Variants in PODXL observed in about 807,000 individuals in gnomAD.
The protein encoded by PODXL is podocalyxin.
A neutral mutation model predicts 48.9 loss-of-function variants in PODXL; 20 were observed. That is an observed-to-expected ratio of 0.41 (90% CI 0.29 to 0.59). The LOEUF (loss-of-function observed/expected upper bound fraction) is 0.59. Ranked by LOEUF, PODXL falls within the 20% of genes least tolerant of loss-of-function variation. PODXL has a pLI of 0.31. For missense variants in PODXL, 606 were observed against 675.1 expected, an observed-to-expected ratio of 0.90 and a Z score of 1.13; for synonymous variants, 295 against 287.4, an observed-to-expected ratio of 1.03 and a Z score of -0.27.
intron 1 of PODXL, among the ~76,000 whole-genome samples, chr7:131,518,247 CCT>C (rs986896785): frequency 2.6e-5 from 4 of 152,168 alleles, no homozygotes; most frequent in Non-Finnish European, 5.9e-5. Context: ...TCTCCTATAT[CCT>C]CGTGAAAATA....
chr7:131,527,881 T>C (rs1418321833), intron 1 of PODXL, among the ~76,000 whole-genome samples: 2 of 151,586 alleles, frequency 1.3e-5, no homozygotes, highest in Non-Finnish European at 2.9e-5. Context: ...GGATTTGGCC[T>C]TCACTGGATA....
intron 1 of PODXL, among the ~76,000 whole-genome samples, chr7:131,517,367 C>G (rs1798015874): frequency 6.6e-6 from 1 of 152,172 alleles, no homozygotes; most frequent in Non-Finnish European, 1.5e-5. Context: ...AATGGACGGG[C>G]AACTCACTGA....
chr7:131,512,676 C>T (rs1161200520), intron 1 of PODXL, among the ~76,000 whole-genome samples: 1 of 152,062 alleles, frequency 6.6e-6, no homozygotes, highest in Non-Finnish European at 1.5e-5. Context: ...GAATAAAAGG[C>T]CCTCTTAAAA....
At chr7:131,532,455 A>AAT (rs1554386909) in intron 1 of PODXL, among the ~76,000 whole-genome samples, 4,294 of 149,376 alleles carry the variant, frequency 0.029, 113 homozygotes, top group Middle Eastern at 0.12. Context: ...AAAAAAATTA[A>AAT]AAATAAATAA....
At chr7:131,544,882 A>G in intron 1 of PODXL, among the ~76,000 whole-genome samples, 1 of 152,124 alleles carries the variant, frequency 6.6e-6, no homozygotes, top group Non-Finnish European at 1.5e-5. Flanking sequence ...GGTGGATGAG[A>G]CCCATGCACT....
chr7:131,523,395 C>T (rs1798119825), intron 1 of PODXL, among the ~76,000 whole-genome samples: 1 of 151,932 alleles, frequency 6.6e-6, no homozygotes, highest in Non-Finnish European at 1.5e-5. Flanking sequence ...TAAGAAAAAC[C>T]ATATGAGCCG....
intron 5 of PODXL, among the ~76,000 whole-genome samples, chr7:131,507,187 G>A (rs1797823149): frequency 6.6e-6 from 1 of 152,168 alleles, no homozygotes; most frequent in African/African-American, 2.4e-5. Context: ...AAATCAGGTG[G>A]GGAGGCTGCA....
chr7:131,539,598 C>T (rs1396412730), intron 1 of PODXL, among the ~76,000 whole-genome samples: 6 of 152,194 alleles, frequency 3.9e-5, no homozygotes, highest in Admixed American at 6.5e-5. Flanking sequence ...GGATTACAGG[C>T]GTGAGCCACC....
chr7:131,506,000 C>T lies in PODXL; in HGVS notation c.1347G>A (p.Gly449=). 1 of 1,612,602 alleles carries T rather than the reference C, an allele frequency of 6.2e-7. No individual in the cohort carries two copies. The highest frequency in any genetic ancestry group is 8.5e-7 in the Non-Finnish European group (1 of 1,179,510). The change falls in exon 8 of 9, where the codon GGG becomes GGA. Residue 449 remains glycine (G), a synonymous_variant. Coordinates refer to ENST00000378555, the MANE Select transcript of PODXL (RefSeq NM_001018111.3). The part of the protein sequence containing the change: ...GVSDMKLGDQ[G]PPEEAEDRFS... ...AGCGGTCCTCGGCCTCCTCCGGTGG[C>T]CCCTGGTCCCCTAGCTTCATGTCAC...
At chr7:131,512,170 C>T (rs777722439) in intron 1 of PODXL, among the ~76,000 whole-genome samples, 1 of 152,142 alleles carries the variant, frequency 6.6e-6, no homozygotes, top group East Asian at 1.9e-4. Context: ...GCCGAGTGCC[C>T]GGACTGCATG....
At position 131,531,834 on chromosome 7, in the gene PODXL, A is replaced by G. The variant is rs148184373; in HGVS notation, c.101-20401T>C. 2.6e-3 allele frequency among the ~76,000 whole-genome samples: 402 copies of G among 152,274 alleles called. 2 individuals are homozygous for G. Among genetic ancestry groups the G allele is most frequent in the African/African-American group, 9.5e-3 (396 of 41,562 alleles). On this transcript the variant is annotated intron_variant, in intron 1 of 8. Transcript: ENST00000378555. ...AAGTTAATAATCACACATTCCAGCC[A>G]GGCGCGGTGGCTCATGCCTGTAATC...
chr7:131,550,940 C>T (rs764148744), intron 1 of PODXL, among the ~76,000 whole-genome samples: 3 of 152,154 alleles, frequency 2.0e-5, no homozygotes, highest in Non-Finnish European at 4.4e-5. Flanking sequence ...TTCCAGAAGG[C>T]TCCCCAGCTC....
intron 1 of PODXL, among the ~76,000 whole-genome samples, chr7:131,519,764 C>T (rs924054516): frequency 6.6e-6 from 1 of 151,990 alleles, no homozygotes; most frequent in Non-Finnish European, 1.5e-5. Flanking sequence ...AGTCTCACTC[C>T]GTCCCACAGG....
At chr7:131,507,256 C>T (rs902131997) in intron 5 of PODXL, among the ~76,000 whole-genome samples, 17 of 152,226 alleles carry the variant, frequency 1.1e-4, no homozygotes, top group Non-Finnish European at 2.2e-4. Context: ...TTGCCCTAGG[C>T]AGAGCCTCTG....
intron 1 of PODXL, among the ~76,000 whole-genome samples, chr7:131,537,088 T>C (rs1003047587): frequency 2.0e-5 from 3 of 152,094 alleles, no homozygotes; most frequent in Admixed American, 2.0e-4. Context: ...ATTGCGCCAC[T>C]GCACTCCATC....
intron 1 of PODXL, among the ~76,000 whole-genome samples, chr7:131,529,047 CA>C (rs1330663643): frequency 2.0e-5 from 3 of 151,474 alleles, no homozygotes; most frequent in Non-Finnish European, 4.4e-5. Flanking sequence ...TGATAAAGTT[CA>C]GGGGGGGAAA....
chr7:131,542,293 G>C (rs962325150), intron 1 of PODXL, among the ~76,000 whole-genome samples: 4 of 152,190 alleles, frequency 2.6e-5, no homozygotes, highest in Non-Finnish European at 5.9e-5. Flanking sequence ...TGGGTGCAGA[G>C]GCCCAGATGT....
rs963337353 is a variant in PODXL, at chr7:131,509,591, A to G, written c.803-6T>C. On this transcript the variant is annotated splice_polypyrimidine_tract_variant and splice_region_variant and intron_variant, in intron 3 of 8. Coordinates refer to ENST00000378555, the MANE Select transcript of PODXL (RefSeq NM_001018111.3). ...TTGCGAGATAACCGATGACGCTGTCATTGGGAAAACGAGGGTAATGAGAAA... is the reference window on the plus strand; with the variant it reads ...TTGCGAGATAACCGATGACGCTGTCGTTGGGAAAACGAGGGTAATGAGAAA... 6 of 1,524,144 alleles carry G rather than the reference A, an allele frequency of 3.9e-6. No homozygotes were observed. Among genetic ancestry groups the G allele is most frequent in the Non-Finnish European group, 5.3e-6 (6 of 1,132,920 alleles). 94.4% of individuals were successfully genotyped at this position (1,524,144 alleles called of 1,614,324 possible). A position where few individuals can be genotyped will look rare whatever the true frequency, so the allele number is the denominator to read the frequency against.
chr7:131,539,654 T>C (rs1388653112), intron 1 of PODXL, among the ~76,000 whole-genome samples: 1 of 152,190 alleles, frequency 6.6e-6, no homozygotes, highest in Non-Finnish European at 1.5e-5. Context: ...AATGTTTAAA[T>C]ATTCCAAATC....
Sources: gnomAD v4.1 joint callset for allele counts (sites outside exome capture counted in the v4.1 genomes callset) on GRCh38, gnomAD v4.1.1 for gene constraint, MANE v1.5 for transcripts, NCBI Gene and HGNC (gene_info 2026-07-23, HGNC 2026-07-21) for gene names.